NFATC2: variants seen among roughly 807,000 people sequenced by gnomAD.
NFATC2 encodes the protein nuclear factor of activated T cells 2.
NFATC2 carries 22 observed loss-of-function variants against 87.3 expected under a neutral mutation model. The ratio of observed to expected loss-of-function variants is 0.25; its 90% CI spans 0.18 to 0.36. The LOEUF is 0.36. NFATC2 is among the 10% of genes least tolerant of loss of function. The pLI is 1.00. For synonymous variants in NFATC2, 565 were observed against 542.2 expected (o/e 1.04, Z -0.58); for missense variants, 1,149 against 1,259.1 (o/e 0.91, Z 1.32).
chr20:51,551,053 C>A (rs2076928795), intron 1 of NFATC2, among the ~76,000 whole-genome samples: 2 of 152,194 alleles, frequency 1.3e-5, no homozygotes. Flanking sequence ...ACATTCTTTA[C>A]CAGACTCCAA....
At chr20:51,471,013 T>A (rs898681638) in intron 5 of NFATC2, among the ~76,000 whole-genome samples, 3 of 152,216 alleles carry the variant, frequency 2.0e-5, no homozygotes, top group Non-Finnish European at 4.4e-5. Context: ...TGAATCACCT[T>A]ACCAAGAAGT....
At chr20:51,467,430 G>A (rs1391524678) in intron 5 of NFATC2, among the ~76,000 whole-genome samples, 6 of 151,928 alleles carry the variant, frequency 3.9e-5, no homozygotes, top group South Asian at 2.1e-4. Flanking sequence ...GGTGGTGGGC[G>A]CCTGTAATCC....
At chr20:51,426,144 T>A in intron 9 of NFATC2, among the ~76,000 whole-genome samples, 1 of 152,094 alleles carries the variant, frequency 6.6e-6, no homozygotes. Context: ...AATAGATTTT[T>A]AAAATTTGAA....
chr20:51,495,047 C>G (rs758936889), intron 3 of NFATC2, among the ~76,000 whole-genome samples: 2 of 152,176 alleles, frequency 1.3e-5, no homozygotes, highest in African/African-American at 2.4e-5. Context: ...AAGAACCAAC[C>G]CAGCTCAGCA....
chr20:51,479,897 G>C (rs181035961), intron 3 of NFATC2, among the ~76,000 whole-genome samples: 1 of 152,176 alleles, frequency 6.6e-6, no homozygotes, highest in East Asian at 1.9e-4. Flanking sequence ...TGTCCTCAGC[G>C]CTTGGTGGAT....
intron 1 of NFATC2, among the ~76,000 whole-genome samples, chr20:51,560,099 C>T (rs1165220450): frequency 1.3e-5 from 2 of 152,174 alleles, no homozygotes; most frequent in Admixed American, 1.3e-4. Flanking sequence ...TATTGTTTTG[C>T]ATCTTTAATA....
At chr20:51,531,105 T>G (rs975209388) in intron 1 of NFATC2, among the ~76,000 whole-genome samples, 1 of 152,236 alleles carries the variant, frequency 6.6e-6, no homozygotes, top group African/African-American at 2.4e-5. Flanking sequence ...GCAGCTGCCC[T>G]GTCCCTCTCC....
intron 1 of NFATC2, among the ~76,000 whole-genome samples, chr20:51,532,756 C>A (rs745915702): frequency 2.0e-5 from 3 of 152,156 alleles, no homozygotes; most frequent in Non-Finnish European, 4.4e-5. Context: ...GAACTGCAGG[C>A]GGGTGGAATT....
chr20:51,504,361 C>T (rs1442432621), intron 3 of NFATC2, among the ~76,000 whole-genome samples: 1 of 152,156 alleles, frequency 6.6e-6, no homozygotes, highest in Non-Finnish European at 1.5e-5. Flanking sequence ...GTCTTGAACT[C>T]CCGGCCTCAA....
At chr20:51,464,068 G>T (rs117212963) in intron 5 of NFATC2, among the ~76,000 whole-genome samples, 1 of 152,168 alleles carries the variant, frequency 6.6e-6, no homozygotes, top group African/African-American at 2.4e-5. Context: ...CCAGCAGCAG[G>T]GTATGTTGCA....
rs1235359848 is a variant in NFATC2, at chr20:51,480,652, C to T, written c.1333-4992G>A. On this transcript the variant is annotated intron_variant, in intron 3 of 10. Transcript: ENST00000371564. This position sits in a 1 kb window ranked among gnomAD's most constrained non-coding sequence, Gnocchi z 4.2. ...TATCTGAATTTCGATGCCAGCTCTG[C>T]TTCTTGATGGCTGTGTGACTGTGAG... Among the ~76,000 whole-genome samples, 1 of 152,172 alleles carries T rather than the reference C, an allele frequency of 6.6e-6. No individual in the cohort carries two copies. Among genetic ancestry groups the T allele is most frequent in the Non-Finnish European group, 1.5e-5 (1 of 68,036 alleles).
intron 3 of NFATC2, among the ~76,000 whole-genome samples, chr20:51,510,653 ACT>A (rs2076258768): frequency 6.6e-6 from 1 of 152,148 alleles, no homozygotes. Context: ...ACATGGTCTC[ACT>A]CTGTCACCCA....
intron 6 of NFATC2, among the ~76,000 whole-genome samples, chr20:51,451,449 C>T (rs553634245): frequency 6.6e-6 from 1 of 152,340 alleles, no homozygotes; most frequent in East Asian, 1.9e-4. Context: ...ACTGGTGTCA[C>T]GTGGGTGGAG....
chr20:51,489,315 T>C (rs1182608715), intron 3 of NFATC2, among the ~76,000 whole-genome samples: 2 of 152,118 alleles, frequency 1.3e-5, no homozygotes, highest in Non-Finnish European at 2.9e-5. Context: ...AGTATAGAGG[T>C]GGTAGCTGCA....
chr20:51,542,633 C>G lies in NFATC2; in HGVS notation c.-134G>C, dbSNP rs1438727510. 1 of 1,188,772 alleles carries G rather than the reference C, an allele frequency of 8.4e-7. No individual in the cohort carries two copies. Among genetic ancestry groups the G allele is most frequent in the Non-Finnish European group, 1.0e-6 (1 of 958,718 alleles). 73.6% of individuals were successfully genotyped at this position (1,188,772 alleles called of 1,614,324 possible). A position where few individuals can be genotyped will look rare whatever the true frequency, so the allele number is the denominator to read the frequency against. On this transcript the variant is annotated 5_prime_UTR_variant, in exon 1 of 11. Transcript: ENST00000371564. ...TTCCTCGTAGGGACGCACGCCGGGTCCGGGGACGGCGCGCCTGGCGCAGCG... is the reference window on the plus strand; with the variant it reads ...TTCCTCGTAGGGACGCACGCCGGGTGCGGGGACGGCGCGCCTGGCGCAGCG...
intron 9 of NFATC2, among the ~76,000 whole-genome samples, chr20:51,414,988 G>GTA (rs1979835066): frequency 6.6e-6 from 1 of 151,974 alleles, no homozygotes; most frequent in Admixed American, 6.6e-5. Flanking sequence ...GGTTGCTAAT[G>GTA]CCTGTAATCC....
At chr20:51,461,531 G>A (rs553572059) in intron 5 of NFATC2, among the ~76,000 whole-genome samples, 1 of 152,186 alleles carries the variant, frequency 6.6e-6, no homozygotes, top group Non-Finnish European at 1.5e-5. Flanking sequence ...TATTTTATGA[G>A]CTCTGAATCA....
intron 3 of NFATC2, among the ~76,000 whole-genome samples, chr20:51,504,962 T>C (rs1722055272): frequency 6.8e-6 from 1 of 147,590 alleles, no homozygotes; most frequent in Admixed American, 6.8e-5. Context: ...GCAATAAGAG[T>C]AGTTCACTCC....
chr20:51,545,167 G>A (rs556159359), upstream of NFATC2, among the ~76,000 whole-genome samples: 1 of 152,300 alleles, frequency 6.6e-6, no homozygotes, highest in Middle Eastern at 3.4e-3. Flanking sequence ...GGCTTCCCCT[G>A]TGATTTAGAA....
Sources: gnomAD v4.1 joint callset for allele counts (sites outside exome capture counted in the v4.1 genomes callset) on GRCh38, gnomAD v4.1.1 for gene constraint, Gnocchi (gnomAD v3.1) non-coding constraint, MANE v1.5 for transcripts, NCBI Gene and HGNC (gene_info 2026-07-23, HGNC 2026-07-21) for gene names.